Variants in MMP20 observed in about 807,000 individuals in gnomAD.
MMP20 encodes the protein matrix metalloproteinase-20.
MMP20 carries 50 observed loss-of-function variants against 51.8 expected under a neutral mutation model. The ratio of observed to expected loss-of-function variants is 0.97; its 90% CI spans 0.77 to 1.22. The LOEUF (loss-of-function observed/expected upper bound fraction) is 1.22, where lower values mean the gene tolerates loss of function less well. Ranked by LOEUF, MMP20 falls within the 50% of genes most tolerant of loss-of-function variation. MMP20 has a pLI of 0.00. For missense variants in MMP20, 663 were observed against 601.4 expected (o/e 1.10, Z -1.07); for synonymous variants, 244 against 216.2 (o/e 1.13, Z -1.13).
chr11:102,621,407 A>G (rs989360298), intron 1 of MMP20, among the ~76,000 whole-genome samples: 3 of 152,232 alleles, frequency 2.0e-5, no homozygotes, highest in Non-Finnish European at 4.4e-5. Context: ...CCTAGGTTCT[A>G]GTCCAGGCTG....
intron 6 of MMP20, among the ~76,000 whole-genome samples, chr11:102,601,922 C>T (rs889544451): frequency 2.0e-5 from 3 of 150,838 alleles, no homozygotes; most frequent in African/African-American, 7.3e-5. Flanking sequence ...CTTGCATAAC[C>T]CTTAAAAATG....
chr11:102,618,620 G>A (rs1859706127), intron 1 of MMP20, among the ~76,000 whole-genome samples: 2 of 151,924 alleles, frequency 1.3e-5, no homozygotes, highest in African/African-American at 4.8e-5. Context: ...AAAAGAAGAG[G>A]AGAAATCTTT....
intron 2 of MMP20, among the ~76,000 whole-genome samples, chr11:102,613,909 AGC>A (rs1320544639): frequency 6.6e-6 from 1 of 152,238 alleles, no homozygotes. Context: ...TTGGTAAGTC[AGC>A]CATATCTTTG....
At chr11:102,611,640 A>T (rs932406047) in intron 3 of MMP20, 115 bp downstream of exon 3, 41 of 1,345,930 alleles carry the variant, frequency 3.0e-5, no homozygotes, top group South Asian at 1.1e-4. Flanking sequence ...GCCTTGGCCC[A>T]TCACAGCACT....
intron 7 of MMP20, 38 bp downstream of exon 7, chr11:102,594,583 G>T: frequency 6.2e-7 from 1 of 1,611,384 alleles, no homozygotes; most frequent in Non-Finnish European, 8.5e-7. Flanking sequence ...GGGCACTGCA[G>T]CCCTGCCATT....
intron 8 of MMP20, among the ~76,000 whole-genome samples, chr11:102,585,617 T>C (rs1258942792): frequency 1.3e-5 from 2 of 152,188 alleles, no homozygotes; most frequent in Non-Finnish European, 1.5e-5. Context: ...TTAATTCTCT[T>C]GGTTAGGACC....
chr11:102,601,951 CTTTTT>C (rs11367730), intron 6 of MMP20, among the ~76,000 whole-genome samples: 1 of 122,884 alleles, frequency 8.1e-6, no homozygotes. Context: ...TTCTTTCTTT[CTTTTT>C]TTTTTTTTTT....
intron 6 of MMP20, among the ~76,000 whole-genome samples, chr11:102,597,988 A>C (rs1168797850): frequency 9.2e-6 from 1 of 108,624 alleles, no homozygotes; most frequent in Non-Finnish European, 2.2e-5. Context: ...GCTGGTCTCG[A>C]ACTCCCGACC....
chr11:102,614,761 C>T (rs759725382), intron 2 of MMP20, among the ~76,000 whole-genome samples: 1 of 151,392 alleles, frequency 6.6e-6, no homozygotes, highest in Non-Finnish European at 1.5e-5. Context: ...CAAATGGACT[C>T]ACTGGTGTGC....
rs1859679689 is a variant in MMP20, at chr11:102,616,938, A to G, written c.248T>C (p.Val83Ala). 3.1e-6 allele frequency: 5 copies of G among 1,614,042 alleles called. No individual in the cohort carries two copies. The highest frequency in any genetic ancestry group is 4.2e-6 in the Non-Finnish European group (5 of 1,180,028). The change falls in exon 2 of 10, where the codon GTC becomes GCC. Residue 83 changes from valine to alanine, a missense_variant. Transcript: ENST00000260228. ...TGTGGTCTGGTCTAACTTCCCGGTG[A>G]CTTGGAGGCCAAAGAACGCTTGTAG... ...KELQAFFGLQ[V>A]TGKLDQTTMN... is the part of the protein sequence containing the mutation.
chr11:102,598,058 G>C (rs1170970025), intron 6 of MMP20, among the ~76,000 whole-genome samples: 1 of 151,980 alleles, frequency 6.6e-6, no homozygotes. Context: ...TAGACACCAT[G>C]CCTGGCCAAA....
At chr11:102,594,872 C>T in intron 6 of MMP20, 115 bp from the exon 7 acceptor site, 2 of 1,338,546 alleles carry the variant, frequency 1.5e-6, no homozygotes, top group African/African-American at 3.0e-5. Flanking sequence ...ATGCCCTTTG[C>T]TCTTGCCTTG....
At chr11:102,584,278 C>G (rs1462054059) in intron 8 of MMP20, among the ~76,000 whole-genome samples, 1 of 152,148 alleles carries the variant, frequency 6.6e-6, no homozygotes, top group East Asian at 1.9e-4. Flanking sequence ...TCTCCATATT[C>G]TCACCAACAC....
intron 3 of MMP20, 90 bp from the exon 4 acceptor site, chr11:102,610,120 T>A: frequency 7.2e-7 from 1 of 1,391,364 alleles, no homozygotes; most frequent in Non-Finnish European, 1.0e-6. Flanking sequence ...ACATTTTGAG[T>A]AGCATTGACA....
Position 102,577,753 on chromosome 11 carries a change from C to T in MMP20, c.1352-327G>A, listed in dbSNP as rs17174285. Among the ~76,000 whole-genome samples the T allele has an allele frequency of 0.067, 10,234 of 152,296 alleles. 382 individuals carry two copies. The highest frequency in any genetic ancestry group is 0.16 in the Middle Eastern group (46 of 294). On this transcript the variant is annotated intron_variant, in intron 9 of 9. Transcript: ENST00000260228. ...CCTTTTCTTTCCCTAGTTAAGCCTC[C>T]GGCCAATCTTCAAAACCCATCTGAA...
In MMP20 at chr11:102,611,840, C is replaced by T; in HGVS notation, c.438G>A (p.Leu146=). The T allele has an allele frequency of 1.2e-6, 2 of 1,614,186 alleles. No homozygotes were observed. The highest frequency in any genetic ancestry group is 2.2e-5 in the East Asian group (1 of 44,890). Reference sequence around the variant, plus strand: ...GAGGGACGGCGCTACTCCAGGCCTGCAAGGCCATCTCCACTGCTTTGTCCA... The same window carrying T: ...GAGGGACGGCGCTACTCCAGGCCTGTAAGGCCATCTCCACTGCTTTGTCCA... ...VEVDKAVEMA[L]QAWSSAVPLS... Residue 146 remains leucine, a synonymous_variant, in exon 3 of 10, where the codon TTG becomes TTA. Transcript: ENST00000260228.
rs193216793 is a variant in MMP20, at chr11:102,600,810, A to G, written c.953+5725T>C. On this transcript the variant is annotated intron_variant, in intron 6 of 9. Coordinates refer to ENST00000260228, the MANE Select transcript of MMP20 (RefSeq NM_004771.4). ...CCCATTTGCTCTTTAACCCCTTTCC[A>G]TGATCTGGCTTTCTTCCTCACTGCT... Among the ~76,000 whole-genome samples, 10 of 152,008 alleles carry G rather than the reference A, an allele frequency of 6.6e-5. No homozygotes were observed. In the East Asian group the frequency reaches 1.2e-3, roughly 18 times the overall value.
chr11:102,579,797 T>C (rs1328655419), intron 8 of MMP20, among the ~76,000 whole-genome samples: 1 of 100,490 alleles, frequency 1.0e-5, no homozygotes. Flanking sequence ...CAACATGTTC[T>C]GTTAACTCAA....
chr11:102,593,086 A>G (rs371808732), intron 8 of MMP20, among the ~76,000 whole-genome samples: 17 of 152,272 alleles, frequency 1.1e-4, no homozygotes, highest in African/African-American at 3.9e-4. Flanking sequence ...GATGCATTTG[A>G]TGGTCACATA....
Sources: gnomAD v4.1 joint callset for allele counts (sites outside exome capture counted in the v4.1 genomes callset) on GRCh38, gnomAD v4.1.1 for gene constraint, MANE v1.5 for transcripts, NCBI Gene and HGNC (gene_info 2026-07-23, HGNC 2026-07-21) for gene names.